SCP2: variants seen among roughly 807,000 people sequenced by gnomAD.
SCP2 encodes sterol carrier protein 2, also known as SCP-2/3-oxoacyl-CoA thiolase.
SCP2 carries 48 observed loss-of-function variants against 71.4 expected under a neutral mutation model. The ratio of observed to expected loss-of-function variants is 0.67; its 90% confidence interval spans 0.53 to 0.86. The LOEUF is 0.86. SCP2 is among the 40% of genes least tolerant of loss of function. SCP2 has a pLI of 0.00. For missense variants in SCP2, 560 were observed against 655.6 expected (o/e 0.85, Z 1.59); for synonymous variants, 220 against 218.1 (o/e 1.01, Z -0.08).
chr1:52,956,920 TTTTTTTTGA>T (rs1655858762), intron 5 of SCP2, among the ~76,000 whole-genome samples: 1 of 113,878 alleles, frequency 8.8e-6, no homozygotes. Flanking sequence ...TTTTTTTTTT[TTTTTTTTGA>T]GACCAAGTCT....
Position 53,037,894 on chromosome 1 carries a change from A to G in SCP2, c.1339-1023A>G, listed in dbSNP as rs1476997926. On this transcript the variant is annotated intron_variant, in intron 13 of 15. Transcript: ENST00000371514. Reference sequence around the variant, plus strand: ...TGTCTCTACATACACACACACACACACACACACACACACACACACACACAC... The same window carrying G: ...TGTCTCTACATACACACACACACACGCACACACACACACACACACACACAC... Among the ~76,000 whole-genome samples the G allele has an allele frequency of 3.5e-3, 349 of 100,516 alleles. 2 individuals carry two copies. The highest frequency in any genetic ancestry group is 0.017 in the African/African-American group (256 of 15,350). The allele number at this position is 100,516 out of a possible 152,430, so 65.9% of individuals were successfully genotyped here. A position where few individuals can be genotyped will look rare whatever the true frequency, so the allele number is the denominator to read the frequency against.
In SCP2 at chr1:53,039,024, A is replaced by G; in HGVS notation, c.1446A>G (p.Lys482=). The part of the protein sequence containing the change: ...ATWVVDVKNG[K]GSVLPNSDKK... ...GGGTGGTGGATGTGAAGAATGGCAA[A>G]GGATCAGTGCTTCCTAACTCAGGTT... The change falls in exon 14 of 16, where the codon AAA becomes AAG. Residue 482 remains lysine, a synonymous_variant. Coordinates refer to ENST00000371514, the MANE Select transcript of SCP2 (RefSeq NM_002979.5). 1.2e-6 allele frequency: 2 copies of G among 1,614,204 alleles called. No homozygotes were observed. Among genetic ancestry groups the G allele is most frequent in the Non-Finnish European group, 1.7e-6 (2 of 1,180,026 alleles).
At position 52,969,615 on chromosome 1, in the gene SCP2, A is replaced by G. The variant is rs562085294; in HGVS notation, c.524-5154A>G. On this transcript the variant is annotated intron_variant, in intron 6 of 15. Coordinates refer to ENST00000371514, the MANE Select transcript of SCP2 (RefSeq NM_002979.5). ...GGTTGGGGGATCCCCTGAGGTCTGGAGTTCAAGACCAGCCTGGCCAACATG... is the reference window on the plus strand; with the variant it reads ...GGTTGGGGGATCCCCTGAGGTCTGGGGTTCAAGACCAGCCTGGCCAACATG... 4.6e-5 allele frequency among the ~76,000 whole-genome samples: 7 copies of G among 152,306 alleles called. No homozygotes were observed. The South Asian group carries it at 1.4e-3, about 32-fold the overall frequency.
chr1:52,960,122 C>T (rs1413132282), intron 5 of SCP2, among the ~76,000 whole-genome samples: 2 of 152,022 alleles, frequency 1.3e-5, no homozygotes, highest in African/African-American at 2.4e-5. Flanking sequence ...AAACTCCTGA[C>T]CTCGTGATCC....
intron 11 of SCP2, among the ~76,000 whole-genome samples, chr1:53,003,249 C>T (rs901639510): frequency 6.6e-6 from 1 of 152,134 alleles, no homozygotes; most frequent in Non-Finnish European, 1.5e-5. Flanking sequence ...ACCAGGATTT[C>T]GCTCTGTTGC....
intron 11 of SCP2, chr1:52,995,185 G>A (rs1659838558): frequency 4.0e-6 from 2 of 495,096 alleles, no homozygotes; most frequent in African/African-American, 2.0e-5. Context: ...GATCCGAGAA[G>A]AGTGCCCTGA....
chr1:53,006,629 G>C (rs1023674387), intron 11 of SCP2, among the ~76,000 whole-genome samples: 6 of 152,114 alleles, frequency 3.9e-5, no homozygotes, highest in Non-Finnish European at 7.3e-5. Flanking sequence ...CCTGAAGGAA[G>C]TACTAAACAT....
At chr1:52,935,403 A>C (rs141570559) in intron 1 of SCP2, among the ~76,000 whole-genome samples, 68 of 151,940 alleles carry the variant, frequency 4.5e-4, no homozygotes, top group African/African-American at 1.6e-3. Flanking sequence ...TCAACATGGC[A>C]AAACCGCAAA....
chr1:52,939,743 A>G (rs1158882865), intron 1 of SCP2, among the ~76,000 whole-genome samples: 1 of 152,144 alleles, frequency 6.6e-6, no homozygotes, highest in Non-Finnish European at 1.5e-5. Flanking sequence ...CAATGGCACA[A>G]TCTTGGCTCA....
intron 6 of SCP2, among the ~76,000 whole-genome samples, chr1:52,974,343 A>G (rs1013135592): frequency 1.3e-5 from 2 of 152,154 alleles, no homozygotes; most frequent in African/African-American, 4.8e-5. Flanking sequence ...CTGTTTTATC[A>G]TAAGGAAAGG....
chr1:53,020,285 A>T (rs1661629799), intron 12 of SCP2, among the ~76,000 whole-genome samples: 1 of 152,296 alleles, frequency 6.6e-6, no homozygotes, highest in East Asian at 1.9e-4. Context: ...CCTTATTTAG[A>T]AAATACTGAA....
chr1:53,021,374 T>TA (rs1661712178), intron 12 of SCP2, among the ~76,000 whole-genome samples: 1 of 144,600 alleles, frequency 6.9e-6, no homozygotes, highest in Non-Finnish European at 1.5e-5. Flanking sequence ...TGGAGTGCAG[T>TA]TGCGCAATCT....
At chr1:53,024,278 G>A (rs1453317238) in intron 12 of SCP2, among the ~76,000 whole-genome samples, 6 of 152,150 alleles carry the variant, frequency 3.9e-5, no homozygotes, top group African/African-American at 9.7e-5. Flanking sequence ...ACAGAAAGTA[G>A]AATGGTGGTT....
intron 13 of SCP2, among the ~76,000 whole-genome samples, chr1:53,036,019 CAAAAA>C (rs35164089): frequency 6.3e-5 from 4 of 63,290 alleles, no homozygotes; most frequent in African/African-American, 1.0e-4. Flanking sequence ...GACTCCGTCT[CAAAAA>C]AAAAAAAAAA....
rs1664164529 is a variant in SCP2, at chr1:53,050,956, A to G, written c.*252A>G. 3 of 309,374 alleles carry G rather than the reference A, an allele frequency of 9.7e-6. No homozygotes were observed. The South Asian group carries it at 1.6e-4, about 16-fold the overall frequency. The allele number at this position is 309,374 out of a possible 1,614,324, so 19.2% of individuals were successfully genotyped here. A position where few individuals can be genotyped will look rare whatever the true frequency, so the allele number is the denominator to read the frequency against. On this transcript the variant is annotated 3_prime_UTR_variant, in exon 16 of 16. Transcript: ENST00000371514. ...TAATATGGTAATTATGGTCTGGGGTAAAATTGAGTTTCAGAATAAAATTAG... is the reference window on the plus strand; with the variant it reads ...TAATATGGTAATTATGGTCTGGGGTGAAATTGAGTTTCAGAATAAAATTAG...
chr1:53,005,857 C>T (rs1412660517), intron 11 of SCP2, among the ~76,000 whole-genome samples: 2 of 152,024 alleles, frequency 1.3e-5, no homozygotes, highest in Non-Finnish European at 2.9e-5. Flanking sequence ...TCAAACCCAT[C>T]GCAAAGAAGC....
chr1:53,008,232 C>A (rs1281476404), intron 11 of SCP2, among the ~76,000 whole-genome samples: 1 of 152,202 alleles, frequency 6.6e-6, no homozygotes, highest in Non-Finnish European at 1.5e-5. Context: ...CCTTCTGAAA[C>A]TATTCCAATC....
Position 53,050,592 on chromosome 1 carries a change from T to C in SCP2, c.1549-17T>C. 6.4e-7 allele frequency: 1 copy of C among 1,567,792 alleles called. No homozygotes were observed. The highest frequency in any genetic ancestry group is 8.8e-7 in the Non-Finnish European group (1 of 1,138,150). ...ACAAAAAAACACCAAGTAATGAATT[T>C]TCTTTCTTCTTCACAGGCCTTCTTT... On this transcript the variant is annotated splice_polypyrimidine_tract_variant and intron_variant, in intron 15 of 15. Transcript: ENST00000371514.
chr1:52,975,537 C>A (rs952413062), intron 7 of SCP2, among the ~76,000 whole-genome samples: 1 of 151,838 alleles, frequency 6.6e-6, no homozygotes, highest in East Asian at 1.9e-4. Context: ...GAACTCCTGA[C>A]CTCAGGTGAT....
Sources: gnomAD v4.1 joint callset for allele counts (sites outside exome capture counted in the v4.1 genomes callset) on GRCh38, gnomAD v4.1.1 for gene constraint, MANE v1.5 for transcripts, NCBI Gene and HGNC (gene_info 2026-07-23, HGNC 2026-07-21) for gene names.